The following PMEPA1 variants were observed in gnomAD, a reference collection of about 807,000 sequenced individuals.
PMEPA1 encodes the protein protein TMEPAI.
Under a neutral mutation model 23.0 loss-of-function variants are expected in PMEPA1, and 11 were observed. The observed-to-expected ratio is 0.48, with a 90% confidence interval of 0.30 to 0.79. PMEPA1 has a LOEUF of 0.79. PMEPA1 is among the 30% of genes least tolerant of loss of function. The pLI, the probability that PMEPA1 is intolerant of heterozygous loss-of-function variation, is 0.06. For missense variants in PMEPA1, 377 were observed against 390.9 expected, an observed-to-expected ratio of 0.96 and a Z score of 0.30; for synonymous variants, 204 against 166.4, an observed-to-expected ratio of 1.23 and a Z score of -1.74.
At position 57,685,896 on chromosome 20, in the gene PMEPA1, G is replaced by C. The variant is rs1450910316; in HGVS notation, c.109+23578C>G. ...CCAGAACCAAGAGGAGAGGAATCTG[G>C]TCTCACCTCCAACTTTGCATTTTAG... On this transcript the variant is annotated intron_variant, in intron 1 of 3. Coordinates refer to ENST00000341744, the MANE Select transcript of PMEPA1 (RefSeq NM_020182.5). 2.0e-5 allele frequency among the ~76,000 whole-genome samples: 3 copies of C among 152,124 alleles called. No individual in the cohort carries two copies. In the East Asian group the frequency reaches 5.8e-4, roughly 29 times the overall value.
In PMEPA1 at chr20:57,651,623, T is replaced by C. The variant is rs1568957760; in HGVS notation, c.*430A>G. ...ACAAAAATACTCCTGCCCTCGCACA[T>C]ACAGTTTCTCTTATCTTATATATAT... On this transcript the variant is annotated 3_prime_UTR_variant, in exon 4 of 4. Coordinates refer to ENST00000341744, the MANE Select transcript of PMEPA1 (RefSeq NM_020182.5). The C allele has an allele frequency of 6.6e-6, 1 of 151,582 alleles. No individual in the cohort carries two copies. The allele number at this position is 151,582 out of a possible 1,614,324, so 9.4% of individuals were successfully genotyped here. A position where few individuals can be genotyped will look rare whatever the true frequency, so the allele number is the denominator to read the frequency against.
chr20:57,658,773 T>C (rs1004531473), intron 2 of PMEPA1, among the ~76,000 whole-genome samples: 9 of 152,160 alleles, frequency 5.9e-5, no homozygotes, highest in African/African-American at 2.2e-4. Flanking sequence ...CAAGGCATTG[T>C]GACCACATGA....
chr20:57,700,886 C>G (rs1417695071), intron 1 of PMEPA1, among the ~76,000 whole-genome samples: 1 of 152,004 alleles, frequency 6.6e-6, no homozygotes, highest in Non-Finnish European at 1.5e-5. Context: ...AAAAACTAGC[C>G]AGGTGTGATG....
At position 57,705,135 on chromosome 20, in the gene PMEPA1, G is replaced by A. The variant is rs1045166637; in HGVS notation, c.109+4339C>T. Among the ~76,000 whole-genome samples the A allele has an allele frequency of 5.9e-5, 9 of 152,036 alleles. 1 individual carries two copies. Among genetic ancestry groups the A allele is most frequent in the Admixed American group, 1.3e-4 (2 of 15,280 alleles). The stretch of plus-strand genomic sequence containing the variant: ...TGTGCCTGTGTATGACTGTGTGTGC[G>A]CGTGTGTGTGTCTGCACGTGTGCGC... On this transcript the variant is annotated intron_variant, in intron 1 of 3. Coordinates refer to ENST00000341744, the MANE Select transcript of PMEPA1 (RefSeq NM_020182.5).
At chr20:57,678,376 G>A (rs1338162334) in intron 1 of PMEPA1, among the ~76,000 whole-genome samples, 1 of 152,220 alleles carries the variant, frequency 6.6e-6, no homozygotes, top group Non-Finnish European at 1.5e-5. Context: ...AAAGTTTTCT[G>A]AAAACAAGTG....
In PMEPA1 at chr20:57,649,007, G is replaced by A. The variant is rs989924649; in HGVS notation, c.*3046C>T. The A allele has an allele frequency of 1.3e-5, 2 of 152,096 alleles. No individual in the cohort carries two copies. The highest frequency in any genetic ancestry group is 2.1e-4 in the South Asian group (1 of 4,818). 9.4% of individuals were successfully genotyped at this position (152,096 alleles called of 1,614,324 possible). On this transcript the variant is annotated 3_prime_UTR_variant, in exon 4 of 4. Transcript: ENST00000341744. ...GTTCTTAGCACAATTTGTGAAATCTGTGTAGAACCGGGCTTTGCAGGGGAG... is the reference window on the plus strand; with the variant it reads ...GTTCTTAGCACAATTTGTGAAATCTATGTAGAACCGGGCTTTGCAGGGGAG...
upstream of PMEPA1, chr20:57,710,148 G>A (rs1213620438): frequency 1.4e-6 from 1 of 694,426 alleles, no homozygotes; most frequent in Non-Finnish European, 1.9e-6. Flanking sequence ...GAAACGGGGC[G>A]GGCTCTTAAA....
rs879695728 is a variant in PMEPA1, at chr20:57,709,857, G to T, written c.-275C>A. The T allele has an allele frequency of 3.0e-6, 3 of 988,330 alleles. No individual in the cohort carries two copies. Among genetic ancestry groups the T allele is most frequent in the Non-Finnish European group, 2.4e-6 (2 of 832,392 alleles). 61.2% of individuals were successfully genotyped at this position (988,330 alleles called of 1,614,324 possible). The stretch of plus-strand genomic sequence containing the variant: ...GGCGTCCGGAAAATGGGCTGGCAGC[G>T]GGGCGCGCGCTGCCGCCGGGGCTGA... On this transcript the variant is annotated 5_prime_UTR_variant, in exon 1 of 4. Transcript: ENST00000341744.
At chr20:57,674,737 C>T (rs1777318244) in intron 1 of PMEPA1, among the ~76,000 whole-genome samples, 1 of 152,220 alleles carries the variant, frequency 6.6e-6, no homozygotes, top group Non-Finnish European at 1.5e-5. Context: ...TCCCTCACTG[C>T]GGCAGCGCAT....
At chr20:57,660,623 C>A (rs1249854778) in intron 1 of PMEPA1, among the ~76,000 whole-genome samples, 1 of 146,814 alleles carries the variant, frequency 6.8e-6, no homozygotes, top group Non-Finnish European at 1.5e-5. Context: ...AACACTCCTA[C>A]ACACACAACA....
At chr20:57,701,709 TCA>T (rs1257530848) in intron 1 of PMEPA1, among the ~76,000 whole-genome samples, 1 of 152,080 alleles carries the variant, frequency 6.6e-6, no homozygotes, top group Non-Finnish European at 1.5e-5. Context: ...TCCTTCCACC[TCA>T]CAGAGGGTCA....
chr20:57,695,385 G>A (rs532207532), intron 1 of PMEPA1, among the ~76,000 whole-genome samples: 3 of 152,364 alleles, frequency 2.0e-5, no homozygotes, highest in South Asian at 2.1e-4. Context: ...TCTGGTACCC[G>A]TTACGGGCCC....
chr20:57,688,361 G>C (rs117529146), intron 1 of PMEPA1, among the ~76,000 whole-genome samples: 2,586 of 152,310 alleles, frequency 0.017, 39 homozygotes, highest in Non-Finnish European at 0.025. Flanking sequence ...GGGGTGGGCT[G>C]TTCTGGGCAT....
At chr20:57,689,058 C>G (rs2071840191) in intron 1 of PMEPA1, among the ~76,000 whole-genome samples, 1 of 152,256 alleles carries the variant, frequency 6.6e-6, no homozygotes, top group Non-Finnish European at 1.5e-5. Flanking sequence ...GTCAGCTAAA[C>G]AGCTCTGGGC....
intron 1 of PMEPA1, among the ~76,000 whole-genome samples, chr20:57,697,404 A>G (rs1374732170): frequency 2.0e-5 from 3 of 152,232 alleles, no homozygotes; most frequent in African/African-American, 7.2e-5. Flanking sequence ...GGGACACTGG[A>G]TGGAATGCCA....
intron 1 of PMEPA1, among the ~76,000 whole-genome samples, chr20:57,700,551 C>T (rs1600673839): frequency 1.3e-5 from 2 of 152,146 alleles, no homozygotes; most frequent in African/African-American, 2.4e-5. Flanking sequence ...AGGAGGATTG[C>T]GAGGTGTTTC....
In PMEPA1 at chr20:57,655,278, G is replaced by T. The variant is rs1483971937; in HGVS notation, c.265-2192C>A. ...GCCCCTCAAGCCTCTGCCCAGGTGT[G>T]CTAACCCCAGAGCTCTCCGTTAGCC... On this transcript the variant is annotated intron_variant, in intron 2 of 3. Transcript: ENST00000341744. This position sits in a 1 kb window ranked among gnomAD's most constrained non-coding sequence, Gnocchi z 4.2. 6.6e-6 allele frequency among the ~76,000 whole-genome samples: 1 copy of T among 152,096 alleles called. No individual in the cohort carries two copies. The highest frequency in any genetic ancestry group is 1.5e-5 in the Non-Finnish European group (1 of 68,018).
intron 1 of PMEPA1, among the ~76,000 whole-genome samples, chr20:57,667,391 C>T (rs761407256): frequency 6.6e-6 from 1 of 152,124 alleles, no homozygotes; most frequent in Admixed American, 6.5e-5. Context: ...CCCACGGGGG[C>T]ACTAGGCGGG....
upstream of PMEPA1, chr20:57,710,231 A>G (rs1233123745): frequency 5.6e-6 from 3 of 533,468 alleles, no homozygotes; most frequent in Non-Finnish European, 6.1e-6. Flanking sequence ...CCTCTCCCCA[A>G]CGGCGGTCAG....
Sources: allele counts gnomAD v4.1 joint callset (sites outside exome capture counted in the v4.1 genomes callset), GRCh38; gene constraint gnomAD v4.1.1; non-coding constraint Gnocchi (gnomAD v3.1); transcripts MANE v1.5; gene names NCBI Gene and HGNC (gene_info 2026-07-23, HGNC 2026-07-21).